The following RTN1 variants were observed in gnomAD, a reference collection of about 807,000 sequenced individuals.
RTN1 encodes the protein reticulon 1.
RTN1 carries 25 observed loss-of-function variants against 65.5 expected under a neutral mutation model. That is an observed-to-expected ratio of 0.38 (90% CI 0.28 to 0.53). The LOEUF (loss-of-function observed/expected upper bound fraction) is 0.53. Among genes scored for constraint, RTN1 ranks in the 20% least tolerant of loss-of-function variants. The pLI, the probability that RTN1 is intolerant of heterozygous loss-of-function variation, is 0.79. For synonymous variants in RTN1, 471 were observed against 447.6 expected (o/e 1.05, Z -0.66); for missense variants, 983 against 1,025.4 (o/e 0.96, Z 0.57).
chr14:59,835,507 C>T (rs1887198551), intron 1 of RTN1, among the ~76,000 whole-genome samples: 1 of 152,134 alleles, frequency 6.6e-6, no homozygotes, highest in East Asian at 1.9e-4. Context: ...TAATTTCATT[C>T]ATTTATTCAG....
At chr14:59,678,934 T>C (rs1883686222) in intron 3 of RTN1, among the ~76,000 whole-genome samples, 1 of 152,200 alleles carries the variant, frequency 6.6e-6, no homozygotes, top group Non-Finnish European at 1.5e-5. Context: ...CACATATAAG[T>C]TTAAGGACCA....
chr14:59,809,398 T>C (rs1252099774), intron 1 of RTN1, among the ~76,000 whole-genome samples: 1 of 151,772 alleles, frequency 6.6e-6, no homozygotes, highest in Non-Finnish European at 1.5e-5. Context: ...CAATTCTTTC[T>C]AGTGTCATTT....
rs1049867733 is a variant in RTN1 at position 59,846,108 on chromosome 14, T to C, written c.241+24282A>G. ...ACAGCCAGGGGTAGGTGGATCATTA[T>C]AGGATGTCAACCAGGTAGGAATTGA... On this transcript the variant is annotated intron_variant, in intron 1 of 8. Transcript: ENST00000267484. This position sits in a 1 kb window ranked among gnomAD's most constrained non-coding sequence, Gnocchi z 4.8. Among the ~76,000 whole-genome samples the C allele has an allele frequency of 1.3e-5, 2 of 152,180 alleles. No individual in the cohort carries two copies. The highest frequency in any genetic ancestry group is 6.5e-5 in the Admixed American group (1 of 15,274).
chr14:59,697,044 A>AT (rs145099628), intron 3 of RTN1, among the ~76,000 whole-genome samples: 2,994 of 151,148 alleles, frequency 0.02, 94 homozygotes, highest in African/African-American at 0.068. Flanking sequence ...CTAGAGTCTC[A>AT]TTTTTTTTTG....
At chr14:59,697,969 G>A (rs751816023) in intron 3 of RTN1, among the ~76,000 whole-genome samples, 3 of 152,108 alleles carry the variant, frequency 2.0e-5, no homozygotes, top group Non-Finnish European at 4.4e-5. Context: ...GGGGATAAAT[G>A]GACTTAAAAG....
intron 1 of RTN1, among the ~76,000 whole-genome samples, chr14:59,818,861 A>C (rs1255726520): frequency 6.6e-6 from 1 of 152,180 alleles, no homozygotes; most frequent in Non-Finnish European, 1.5e-5. Context: ...AACCATTCTG[A>C]CTAGTGTGAG....
chr14:59,603,568 A>T (rs983262186), intron 6 of RTN1, among the ~76,000 whole-genome samples: 2 of 151,900 alleles, frequency 1.3e-5, no homozygotes, highest in African/African-American at 4.8e-5. Context: ...CTGTAAACAG[A>T]TCCAAATATA....
chr14:59,814,394 G>T (rs199575477), intron 1 of RTN1, among the ~76,000 whole-genome samples: 1 of 152,172 alleles, frequency 6.6e-6, no homozygotes, highest in East Asian at 1.9e-4. Flanking sequence ...TTGGCAGTGA[G>T]GGCTGATGTC....
At chr14:59,866,038 T>A (rs1302944927) in intron 1 of RTN1, among the ~76,000 whole-genome samples, 1 of 149,378 alleles carries the variant, frequency 6.7e-6, no homozygotes, top group Non-Finnish European at 1.5e-5. Flanking sequence ...AACTAACTCA[T>A]ACCCTTGTGC....
At chr14:59,656,953 G>A (rs531260358) in intron 3 of RTN1, among the ~76,000 whole-genome samples, 1 of 152,022 alleles carries the variant, frequency 6.6e-6, no homozygotes, top group East Asian at 1.9e-4. Flanking sequence ...TCAAGTGGAT[G>A]ACTCACAGGA....
chr14:59,611,717 C>T (rs1427353693), intron 3 of RTN1, among the ~76,000 whole-genome samples: 1 of 152,120 alleles, frequency 6.6e-6, no homozygotes, highest in Non-Finnish European at 1.5e-5. Flanking sequence ...GAGACTTCTC[C>T]TCAATCAGGA....
intron 3 of RTN1, among the ~76,000 whole-genome samples, chr14:59,722,558 GAGA>G (rs1205750786): frequency 6.6e-6 from 1 of 152,134 alleles, no homozygotes; most frequent in Non-Finnish European, 1.5e-5. Flanking sequence ...AAAAAGTTCT[GAGA>G]AGGAGTGAAC....
chr14:59,855,130 T>C (rs539174035), intron 1 of RTN1, among the ~76,000 whole-genome samples: 140 of 152,334 alleles, frequency 9.2e-4, no homozygotes, highest in African/African-American at 3.0e-3. Context: ...GTTTTCACTG[T>C]ACCCTATTAA....
chr14:59,707,739 AC>A (rs1884329004), intron 3 of RTN1, among the ~76,000 whole-genome samples: 1 of 151,712 alleles, frequency 6.6e-6, no homozygotes, highest in Non-Finnish European at 1.5e-5. Flanking sequence ...ACACACACAC[AC>A]ACAAATACAT....
chr14:59,675,443 TTG>T (rs138258408), intron 3 of RTN1, among the ~76,000 whole-genome samples: 84,745 of 128,370 alleles, frequency 0.66, 27,239 homozygotes, highest in South Asian at 0.75. Flanking sequence ...CCTATAGGAC[TTG>T]GGGGGGGGGC....
intron 1 of RTN1, among the ~76,000 whole-genome samples, chr14:59,828,757 G>A (rs764693620): frequency 4.6e-5 from 7 of 152,176 alleles, no homozygotes; most frequent in Non-Finnish European, 8.8e-5. Context: ...CCCAAAGGTA[G>A]ATGGCTACGA....
intron 3 of RTN1, among the ~76,000 whole-genome samples, chr14:59,712,370 G>A (rs1341035363): frequency 6.6e-6 from 1 of 152,048 alleles, no homozygotes; most frequent in Admixed American, 6.5e-5. Context: ...AGATATTATG[G>A]GTGAGGAACT....
chr14:59,640,536 C>T (rs185143946), intron 3 of RTN1, among the ~76,000 whole-genome samples: 8 of 152,200 alleles, frequency 5.3e-5, no homozygotes, highest in Non-Finnish European at 7.4e-5. Flanking sequence ...AGGATGGTCT[C>T]GATCTCTTGA....
intron 1 of RTN1, among the ~76,000 whole-genome samples, chr14:59,770,852 C>G (rs1885943074): frequency 6.6e-6 from 1 of 152,094 alleles, no homozygotes; most frequent in South Asian, 2.1e-4. Context: ...CAATACCAAC[C>G]TAGCCAAGAT....
Sources: allele counts gnomAD v4.1 joint callset (sites outside exome capture counted in the v4.1 genomes callset), GRCh38; gene constraint gnomAD v4.1.1; non-coding constraint Gnocchi (gnomAD v3.1); transcripts MANE v1.5; gene names NCBI Gene and HGNC (gene_info 2026-07-23, HGNC 2026-07-21).